Variants in UBXN7 observed in about 807,000 individuals in gnomAD.
UBXN7 encodes the protein UBX domain-containing protein 7.
Under a neutral mutation model 58.0 loss-of-function variants are expected in UBXN7, and 9 were observed. The observed-to-expected ratio is 0.16, with a 90% confidence interval of 0.09 to 0.27. The LOEUF (loss-of-function observed/expected upper bound fraction) is 0.27. Ranked by LOEUF, UBXN7 falls within the 10% of genes least tolerant of loss-of-function variation. The pLI, the probability that UBXN7 is intolerant of heterozygous loss-of-function variation, is 1.00. For synonymous variants in UBXN7, 208 were observed against 205.0 expected (o/e 1.01, Z -0.12); for missense variants, 328 against 599.6 (o/e 0.55, Z 4.73).
rs561887725 is a variant in UBXN7, at chr3:196,349,820, G to A, written c.*6865C>T. On this transcript the variant is annotated 3_prime_UTR_variant, in exon 11 of 11. Transcript: ENST00000296328. ...TTCCCATTTATCATGTCTAAAAAATGAATGACTCATGCTAACCCAGTTAGA... is the reference window on the plus strand; with the variant it reads ...TTCCCATTTATCATGTCTAAAAAATAAATGACTCATGCTAACCCAGTTAGA... 6.6e-6 allele frequency: 1 copy of A among 152,162 alleles called. No individual in the cohort carries two copies. The highest frequency in any genetic ancestry group is 2.4e-5 in the African/African-American group (1 of 41,442). 9.4% of individuals were successfully genotyped at this position (152,162 alleles called of 1,614,324 possible). A position where few individuals can be genotyped will look rare whatever the true frequency, so the allele number is the denominator to read the frequency against.
chr3:196,358,057 AAAAC>A (rs1234299108), intron 10 of UBXN7, among the ~76,000 whole-genome samples: 1 of 152,132 alleles, frequency 6.6e-6, no homozygotes, highest in Non-Finnish European at 1.5e-5. Context: ...GAAAAAAACA[AAAAC>A]AACACAAACC....
chr3:196,363,952 T>C (rs1396207126), intron 8 of UBXN7, among the ~76,000 whole-genome samples: 1 of 149,852 alleles, frequency 6.7e-6, no homozygotes, highest in African/African-American at 2.5e-5. Context: ...ACGAACAAAA[T>C]CAAGAAAAGT....
chr3:196,429,216 A>C (rs1392525590), intron 1 of UBXN7, among the ~76,000 whole-genome samples: 2 of 151,914 alleles, frequency 1.3e-5, no homozygotes, highest in African/African-American at 4.8e-5. Context: ...GGTCCCAGCT[A>C]CTTGGGAGGC....
chr3:196,412,956 C>T (rs1391430189), intron 1 of UBXN7, among the ~76,000 whole-genome samples: 1 of 152,060 alleles, frequency 6.6e-6, no homozygotes, highest in Non-Finnish European at 1.5e-5. Flanking sequence ...TATAGAGTTT[C>T]AGTTTTACAA....
intron 2 of UBXN7, among the ~76,000 whole-genome samples, chr3:196,406,628 T>C (rs946216712): frequency 1.2e-4 from 18 of 151,348 alleles, no homozygotes; most frequent in African/African-American, 4.1e-4. Flanking sequence ...TTTTTTTTAG[T>C]AGAGACACGG....
chr3:196,394,609 A>C (rs1560232487), intron 3 of UBXN7, among the ~76,000 whole-genome samples: 1 of 152,160 alleles, frequency 6.6e-6, no homozygotes, highest in Non-Finnish European at 1.5e-5. Context: ...GTCTCAAAAA[A>C]AAAAAAAAGT....
In UBXN7 at chr3:196,348,767, A is replaced by G. The variant is rs1175161838; in HGVS notation, c.*7918T>C. On this transcript the variant is annotated 3_prime_UTR_variant, in exon 11 of 11. Coordinates refer to ENST00000296328, the MANE Select transcript of UBXN7 (RefSeq NM_015562.2). ...AACATGAAACATGTTTAAAAACACA[A>G]TCAATGAAGACATGCCAGAACTGGA... is the stretch of plus-strand genomic sequence containing the variant. 6.6e-6 allele frequency: 1 copy of G among 152,140 alleles called. No homozygotes were observed. Among genetic ancestry groups the G allele is most frequent in the Non-Finnish European group, 1.5e-5 (1 of 68,030 alleles). The allele number at this position is 152,140 out of a possible 1,614,324, so 9.4% of individuals were successfully genotyped here. A position where few individuals can be genotyped will look rare whatever the true frequency, so the allele number is the denominator to read the frequency against.
intron 5 of UBXN7, 32 bp from the exon 6 acceptor site, chr3:196,372,074 A>G: frequency 6.4e-7 from 1 of 1,558,666 alleles, no homozygotes; most frequent in Non-Finnish European, 8.7e-7. Context: ...TTTGTTAGAA[A>G]TAATTTCTAC....
rs372246431 is a variant in UBXN7 at position 196,378,749 on chromosome 3, G to A, written c.469-6707C>T. 2.0e-5 allele frequency among the ~76,000 whole-genome samples: 3 copies of A among 152,044 alleles called. No homozygotes were observed. The South Asian group carries it at 6.2e-4, about 32-fold the overall frequency. On this transcript the variant is annotated intron_variant, in intron 5 of 10. Transcript: ENST00000296328. The stretch of plus-strand genomic sequence containing the variant: ...CCCTCATCACCATGTTGGTTTTGGG[G>A]GATTTTAGCCAGCTTCTTTCCATGT...
At chr3:196,392,581 T>C (rs1257081846) in intron 4 of UBXN7, among the ~76,000 whole-genome samples, 5 of 151,110 alleles carry the variant, frequency 3.3e-5, no homozygotes, top group Non-Finnish European at 5.9e-5. Flanking sequence ...GATGTGCGGA[T>C]CACCTGAGGT....
chr3:196,375,849 C>T (rs1274514380), intron 5 of UBXN7, among the ~76,000 whole-genome samples: 2 of 152,046 alleles, frequency 1.3e-5, no homozygotes, highest in Admixed American at 1.3e-4. Flanking sequence ...GTCAACATGG[C>T]GAAACCCCAT....
At chr3:196,431,782 A>C (rs774255115) in intron 1 of UBXN7, 24 of 442,198 alleles carry the variant, frequency 5.4e-5, no homozygotes, top group African/African-American at 4.7e-4. Flanking sequence ...GGCCGAACCC[A>C]CCGGCCTTGC....
At chr3:196,383,610 C>A (rs1295391275) in intron 5 of UBXN7, among the ~76,000 whole-genome samples, 3 of 152,192 alleles carry the variant, frequency 2.0e-5, no homozygotes, top group Admixed American at 2.0e-4. Context: ...TCTCAGACCA[C>A]AGTGCAATCA....
chr3:196,395,355 A>G (rs987049234), intron 3 of UBXN7, among the ~76,000 whole-genome samples: 2 of 152,220 alleles, frequency 1.3e-5, no homozygotes, highest in Non-Finnish European at 2.9e-5. Flanking sequence ...ATTCATATGC[A>G]TATCATTCCT....
chr3:196,369,524 T>G lies in UBXN7; in HGVS notation c.616-13A>C. The G allele has an allele frequency of 6.3e-7, 1 of 1,591,508 alleles. No homozygotes were observed. The highest frequency in any genetic ancestry group is 8.5e-7 in the Non-Finnish European group (1 of 1,170,932). ...TGTCATGATAAACCTGTTAAATCAT[T>G]GATATAAAAAAAAAAGTCAGCCTCT... On this transcript the variant is annotated splice_polypyrimidine_tract_variant and intron_variant, in intron 6 of 10. Coordinates refer to ENST00000296328, the MANE Select transcript of UBXN7 (RefSeq NM_015562.2).
In UBXN7 at chr3:196,353,133, C is replaced by G. The variant is rs1230200150; in HGVS notation, c.*3552G>C. The G allele has an allele frequency of 6.6e-6, 1 of 152,190 alleles. No homozygotes were observed. Among genetic ancestry groups the G allele is most frequent in the Admixed American group, 6.5e-5 (1 of 15,272 alleles). The allele number at this position is 152,190 out of a possible 1,614,324, so 9.4% of individuals were successfully genotyped here. A position where few individuals can be genotyped will look rare whatever the true frequency, so the allele number is the denominator to read the frequency against. ...GGGAACAAAACTAAGTGACACTTTA[C>G]AAAGCCAAACAATGAGAAGAGAATC... is the stretch of plus-strand genomic sequence containing the variant. On this transcript the variant is annotated 3_prime_UTR_variant, in exon 11 of 11. Coordinates refer to ENST00000296328, the MANE Select transcript of UBXN7 (RefSeq NM_015562.2).
At chr3:196,362,725 A>C (rs774695418) in intron 8 of UBXN7, 38 bp from the exon 9 acceptor site, 1 of 1,554,666 alleles carries the variant, frequency 6.4e-7, no homozygotes, top group South Asian at 1.2e-5. Context: ...AAAAAGAACA[A>C]GTTAAACCAA....
chr3:196,402,762 T>C (rs967329035), intron 3 of UBXN7, among the ~76,000 whole-genome samples, 190 bp downstream of exon 3: 2 of 152,352 alleles, frequency 1.3e-5, no homozygotes, highest in Non-Finnish European at 2.9e-5. Context: ...TTCCAACAAA[T>C]ATCAATTTTT....
At chr3:196,373,898 T>G (rs1236899698) in intron 5 of UBXN7, among the ~76,000 whole-genome samples, 1 of 152,178 alleles carries the variant, frequency 6.6e-6, no homozygotes, top group Admixed American at 6.5e-5. Context: ...ACTGATTCCA[T>G]GGGTGAAAAC....
Sources: allele counts gnomAD v4.1 joint callset (sites outside exome capture counted in the v4.1 genomes callset), GRCh38; gene constraint gnomAD v4.1.1; transcripts MANE v1.5; gene names NCBI Gene and HGNC (gene_info 2026-07-23, HGNC 2026-07-21).